The following RASGRF2 variants were observed in gnomAD, a reference collection of about 807,000 sequenced individuals.
RASGRF2 encodes Ras protein specific guanine nucleotide releasing factor 2.
RASGRF2 carries 76 observed loss-of-function variants against 151.0 expected under a neutral mutation model. The ratio of observed to expected loss-of-function variants is 0.50; its 90% CI spans 0.42 to 0.61. RASGRF2 has a LOEUF of 0.61. RASGRF2 is among the 20% of genes least tolerant of loss of function. The probability of loss-of-function intolerance (pLI) is 0.00; values close to 1 mark genes in which losing one functional copy is unlikely to be tolerated. For missense variants in RASGRF2, 1,148 were observed against 1,564.6 expected (o/e 0.73, Z 4.49); for synonymous variants, 504 against 566.5 (o/e 0.89, Z 1.57).
chr5:81,145,756 C>A (rs1490524215), intron 17 of RASGRF2, among the ~76,000 whole-genome samples: 7 of 152,330 alleles, frequency 4.6e-5, no homozygotes, highest in African/African-American at 1.7e-4. Flanking sequence ...CTAGTGGACA[C>A]CTGGACTCCA....
At chr5:81,117,752 G>A (rs1340482147) in intron 15 of RASGRF2, among the ~76,000 whole-genome samples, 1 of 152,174 alleles carries the variant, frequency 6.6e-6, no homozygotes, top group African/African-American at 2.4e-5. Flanking sequence ...TCAGATATGG[G>A]TGAGACTCAA....
chr5:80,962,070 C>T (rs1180194744), intron 1 of RASGRF2, among the ~76,000 whole-genome samples: 1 of 152,150 alleles, frequency 6.6e-6, no homozygotes, highest in Admixed American at 6.5e-5. Flanking sequence ...GAGGTGCTAG[C>T]AATGGAGTGA....
At chr5:81,093,433 A>C (rs1050421407) in intron 10 of RASGRF2, among the ~76,000 whole-genome samples, 1 of 151,968 alleles carries the variant, frequency 6.6e-6, no homozygotes, top group Non-Finnish European at 1.5e-5. Context: ...TTTTGTTGAG[A>C]TAGGATCTCA....
intron 1 of RASGRF2, among the ~76,000 whole-genome samples, chr5:81,026,020 TTCCTTCCATCCTTCCC>T (rs1425023008): frequency 1.2e-4 from 7 of 60,262 alleles, no homozygotes; most frequent in Admixed American, 1.0e-3. Context: ...CCTTCCCTCC[TTCCTTCCATCCTTCCC>T]TCCTTCCTTC....
intron 2 of RASGRF2, among the ~76,000 whole-genome samples, chr5:81,065,949 G>C (rs1751587878): frequency 6.6e-6 from 1 of 152,140 alleles, no homozygotes; most frequent in Non-Finnish European, 1.5e-5. Context: ...GGGGACGTTG[G>C]TGATGAGTCT....
intron 19 of RASGRF2, 30 bp downstream of exon 19, chr5:81,201,472 G>A: frequency 6.3e-7 from 1 of 1,596,000 alleles, no homozygotes; most frequent in Admixed American, 1.8e-5. Context: ...CCGACTGGAT[G>A]ACATTGGTTG....
At chr5:81,188,825 C>G (rs963299880) in intron 18 of RASGRF2, among the ~76,000 whole-genome samples, 1 of 152,210 alleles carries the variant, frequency 6.6e-6, no homozygotes, top group African/African-American at 2.4e-5. Context: ...TCCCCGCCGT[C>G]TGGCTGCACA....
rs768388489 is a variant in RASGRF2, at chr5:81,080,793, A to G, written c.1161+4A>G. ...CTTGACCTATCCCATGTTTCAGGTA[A>G]GTCACTTGGGATGCATTTTGTAAGT... On this transcript the variant is annotated splice_donor_region_variant and intron_variant, in intron 7 of 26. Transcript: ENST00000265080. The G allele has an allele frequency of 6.2e-7, 1 of 1,611,682 alleles. No individual in the cohort carries two copies. Among genetic ancestry groups the G allele is most frequent in the Non-Finnish European group, 8.5e-7 (1 of 1,178,380 alleles).
At chr5:81,082,063 A>G (rs1752102015) in intron 7 of RASGRF2, among the ~76,000 whole-genome samples, 1 of 152,144 alleles carries the variant, frequency 6.6e-6, no homozygotes, top group Admixed American at 6.5e-5. Context: ...TTAGGTTATG[A>G]TTCAGTACCC....
chr5:81,200,134 G>A (rs539841037), intron 18 of RASGRF2, among the ~76,000 whole-genome samples: 15 of 151,794 alleles, frequency 9.9e-5, no homozygotes, highest in African/African-American at 3.4e-4. Context: ...GGCTGGGCAT[G>A]GTGGCACACA....
At chr5:81,101,092 A>G (rs892859411) in intron 12 of RASGRF2, among the ~76,000 whole-genome samples, 4 of 152,212 alleles carry the variant, frequency 2.6e-5, no homozygotes, top group South Asian at 2.1e-4. Flanking sequence ...GAACTAGACT[A>G]TCTATGATCT....
chr5:81,038,411 T>C (rs1580238501), intron 1 of RASGRF2, among the ~76,000 whole-genome samples: 1 of 118,348 alleles, frequency 8.4e-6, no homozygotes, highest in Non-Finnish European at 2.1e-5. Context: ...TGAACTGTTA[T>C]TTTTTTTTAG....
intron 12 of RASGRF2, among the ~76,000 whole-genome samples, chr5:81,101,453 G>C (rs1752694833): frequency 6.6e-6 from 1 of 151,496 alleles, no homozygotes; most frequent in African/African-American, 2.4e-5. Context: ...AAATAAAATT[G>C]GTAGACCTAG....
chr5:80,967,249 G>A (rs185659386), intron 1 of RASGRF2, among the ~76,000 whole-genome samples: 83 of 152,198 alleles, frequency 5.5e-4, no homozygotes, highest in African/African-American at 1.9e-3. Flanking sequence ...TTAGCCAGGC[G>A]TGGTGGAGCA....
intron 4 of RASGRF2, 43 bp downstream of exon 4, chr5:81,070,624 A>G (rs772426529): frequency 6.6e-7 from 1 of 1,512,920 alleles, no homozygotes; most frequent in South Asian, 1.1e-5. Context: ...CATGGTGACC[A>G]GTCGTCTGTT....
At chr5:80,969,809 CTTCTTCTTTTT>C (rs779252424) in intron 1 of RASGRF2, among the ~76,000 whole-genome samples, 1 of 106,072 alleles carries the variant, frequency 9.4e-6, no homozygotes, top group Admixed American at 1.1e-4. Flanking sequence ...AATAATACTT[CTTCTTCTTTTT>C]TTTTTTTTTT....
At chr5:81,115,502 C>T (rs1753126362) in intron 15 of RASGRF2, among the ~76,000 whole-genome samples, 1 of 152,156 alleles carries the variant, frequency 6.6e-6, no homozygotes. Flanking sequence ...ATGGGAAGTA[C>T]AGGAGCTTTC....
At chr5:81,082,681 C>T (rs1485650374) in intron 7 of RASGRF2, among the ~76,000 whole-genome samples, 1 of 152,072 alleles carries the variant, frequency 6.6e-6, no homozygotes, top group African/African-American at 2.4e-5. Context: ...TCTAGGAGCC[C>T]CCTCCCCAAG....
At chr5:80,973,101 T>TG (rs1747993416) in intron 1 of RASGRF2, among the ~76,000 whole-genome samples, 1 of 152,260 alleles carries the variant, frequency 6.6e-6, no homozygotes, top group East Asian at 1.9e-4. Context: ...GTCCATGAAA[T>TG]GAATGGAGAT....
Sources: gnomAD v4.1 joint callset for allele counts (sites outside exome capture counted in the v4.1 genomes callset) on GRCh38, gnomAD v4.1.1 for gene constraint, MANE v1.5 for transcripts, NCBI Gene and HGNC (gene_info 2026-07-23, HGNC 2026-07-21) for gene names.